Variants in PTPRS observed in about 807,000 individuals in gnomAD.
The protein encoded by PTPRS is receptor-type tyrosine-protein phosphatase S.
Under a neutral mutation model 215.3 loss-of-function variants are expected in PTPRS, and 63 were observed. That is an observed-to-expected ratio of 0.29 (90% confidence interval 0.24 to 0.36). The LOEUF is 0.36. Ranked by LOEUF, PTPRS falls within the 10% of genes least tolerant of loss-of-function variation. The pLI, the probability that PTPRS is intolerant of heterozygous loss-of-function variation, is 1.00. For synonymous variants in PTPRS, 1,404 were observed against 1,191.4 expected (o/e 1.18, Z -3.68); for missense variants, 2,258 against 2,825.8 (o/e 0.80, Z 4.56).
At chr19:5,328,665 C>G (rs1160142996) in intron 1 of PTPRS, among the ~76,000 whole-genome samples, 1 of 152,152 alleles carries the variant, frequency 6.6e-6, no homozygotes, top group Non-Finnish European at 1.5e-5. Context: ...GCAGAGTGAG[C>G]TGAGCTTTAA....
At chr19:5,273,158 C>T in intron 4 of PTPRS, 1 of 466,492 alleles carries the variant, frequency 2.1e-6, no homozygotes, top group South Asian at 2.4e-5. Context: ...TCGCTTGAAC[C>T]CATCTGAGTT....
intron 2 of PTPRS, among the ~76,000 whole-genome samples, chr19:5,279,218 T>C (rs909210865): frequency 2.0e-5 from 3 of 151,632 alleles, no homozygotes; most frequent in Admixed American, 1.3e-4. Context: ...AAGGGAAAGA[T>C]TGTATGTATG....
In PTPRS at chr19:5,212,091, C is replaced by A; in HGVS notation, c.4929G>T (p.Glu1643Asp). The A allele has an allele frequency of 1.9e-6, 3 of 1,614,074 alleles. No homozygotes were observed. Among genetic ancestry groups the A allele is most frequent in the Non-Finnish European group, 2.5e-6 (3 of 1,180,048 alleles). The stretch of plus-strand genomic sequence containing the variant: ...CACAGCCCACGGCCTCCAGCAGGGC[C>A]TCGTGGATGAAGCTGTACTGGTCCT... ...QTEDQYSFIH[E>D]ALLEAVGCGN... Residue 1643 changes from glutamate to aspartate, a missense_variant, in exon 32 of 38, where the codon GAG (glutamate) becomes GAT (aspartate). Physicochemically the swap from Glu to Asp is conservative, Grantham distance 45 (BLOSUM62 2). Transcript: ENST00000262963.
intron 16 of PTPRS, among the ~76,000 whole-genome samples, chr19:5,228,347 GAA>G (rs71170899): frequency 0.014 from 1,535 of 105,872 alleles, 20 homozygotes; most frequent in South Asian, 0.025. Context: ...TCCGTCTGGA[GAA>G]AAAAAAAAAA....
At chr19:5,235,081 C>CA (rs1049555356) in intron 13 of PTPRS, among the ~76,000 whole-genome samples, 5 of 152,062 alleles carry the variant, frequency 3.3e-5, no homozygotes, top group African/African-American at 9.6e-5. Context: ...GCTGGGACTA[C>CA]AGGCGCCCGC....
chr19:5,296,694 T>C (rs1392148321), intron 1 of PTPRS, among the ~76,000 whole-genome samples: 1 of 95,420 alleles, frequency 1.0e-5, no homozygotes, highest in Non-Finnish European at 2.0e-5. Flanking sequence ...TGGAGCAGAG[T>C]GAGGAAGGGG....
At chr19:5,233,876 G>A (rs1017626079) in intron 13 of PTPRS, among the ~76,000 whole-genome samples, 1 of 142,414 alleles carries the variant, frequency 7.0e-6, no homozygotes, top group Admixed American at 7.4e-5. Context: ...AACCTGGGAG[G>A]CGGAAGTTGC....
At chr19:5,247,734 G>T (rs2146029917) in intron 9 of PTPRS, among the ~76,000 whole-genome samples, 1 of 152,034 alleles carries the variant, frequency 6.6e-6, no homozygotes, top group South Asian at 2.1e-4. Flanking sequence ...AGGTTCAAGG[G>T]GATAAAGGGA....
intron 25 of PTPRS, among the ~76,000 whole-genome samples, chr19:5,217,402 G>A (rs2041576657): frequency 6.6e-6 from 1 of 152,086 alleles, no homozygotes; most frequent in Non-Finnish European, 1.5e-5. Flanking sequence ...ACAGAGGAAA[G>A]AAAGGGAAGA....
In PTPRS at chr19:5,273,331, C is replaced by CA. The variant is rs756526131; in HGVS notation, c.379+110dup. 47 of 1,529,004 alleles carry CA rather than the reference C, an allele frequency of 3.1e-5. No individual in the cohort carries two copies. In the South Asian group the frequency reaches 3.2e-4, roughly 10 times the overall value. 94.7% of individuals were successfully genotyped at this position (1,529,004 alleles called of 1,614,324 possible). On this transcript the variant is annotated intron_variant, in intron 4 of 37. Coordinates refer to ENST00000262963, the MANE Select transcript of PTPRS (RefSeq NM_002850.4). ...TGGATAAGGGAGATCAAGGTCCTCC[C>CA]AAAAAACACAAAGCAGGAGGGTTTG...
rs769004088 is a variant in PTPRS, at chr19:5,221,088, T to C, written c.3367A>G (p.Asn1123Asp). The C allele has an allele frequency of 2.5e-6, 4 of 1,613,820 alleles. No homozygotes were observed. In the African/African-American group the frequency reaches 5.3e-5, roughly 22 times the overall value. Residue 1123 changes from asparagine to aspartate, a missense_variant, in exon 20 of 38, where the codon AAC becomes GAC. Asn to Asp is a conservative substitution (Grantham distance 23). This residue lies in a region of PTPRS where 927 missense variants were observed against 1,125.9 expected (regional missense o/e 0.82). Transcript: ENST00000262963. ...VTAWTAFNLL[N>D]GKPSVAPKPD... is the part of the protein sequence containing the mutation. ...TTGGGGGCGACGCTGGGCTTGCCGT[T>C]GAGCAGGTTGAAGGCAGTCCAGGCG...
At chr19:5,238,822 C>T in intron 13 of PTPRS, 97 bp downstream of exon 13, 4 of 1,431,232 alleles carry the variant, frequency 2.8e-6, no homozygotes, top group Non-Finnish European at 3.6e-6. Flanking sequence ...CCCCCACCCA[C>T]TGCAGCAGGC....
Position 5,210,674 on chromosome 19 carries a change from C to G in PTPRS, c.5361+5G>C. The G allele has an allele frequency of 6.2e-7, 1 of 1,614,152 alleles. No homozygotes were observed. The highest frequency in any genetic ancestry group is 8.5e-7 in the Non-Finnish European group (1 of 1,180,036). On this transcript the variant is annotated splice_donor_5th_base_variant and intron_variant, in intron 34 of 37. Transcript: ENST00000262963. The surrounding 1 kb of genome is among the most constrained non-coding windows in gnomAD (Gnocchi z 4.5). ...CGCCCTTCCCTGCTGTGGCCCCTAG[C>G]TCACCCGGCCCATCTCCCGCAGCTT...
intron 1 of PTPRS, among the ~76,000 whole-genome samples, chr19:5,326,854 G>A (rs1173573964): frequency 6.6e-6 from 1 of 152,026 alleles, no homozygotes. Context: ...GAAAAAGGAA[G>A]GAAGGAAGGA....
intron 13 of PTPRS, among the ~76,000 whole-genome samples, chr19:5,233,912 C>T (rs2043211182): frequency 8.3e-6 from 1 of 120,980 alleles, no homozygotes; most frequent in Admixed American, 1.1e-4. Flanking sequence ...TGCCACTGTA[C>T]TCCAGCCTGG....
At chr19:5,209,967 G>C (rs1254615285) in intron 35 of PTPRS, among the ~76,000 whole-genome samples, 3 of 152,100 alleles carry the variant, frequency 2.0e-5, no homozygotes, top group Non-Finnish European at 2.9e-5. Flanking sequence ...ACCCAACAGG[G>C]CCACCTTCCA....
intron 14 of PTPRS, among the ~76,000 whole-genome samples, 156 bp downstream of exon 14, chr19:5,231,154 A>T (rs867250215): frequency 3.9e-5 from 6 of 152,100 alleles, no homozygotes; most frequent in Middle Eastern, 3.4e-3. Context: ...AAAGTCAAGG[A>T]GCCCCGGATT....
At chr19:5,239,472 CAGAGAG>C (rs373965252) in intron 12 of PTPRS, among the ~76,000 whole-genome samples, 3 of 150,174 alleles carry the variant, frequency 2.0e-5, no homozygotes, top group Non-Finnish European at 4.4e-5. Context: ...GAGACAGAGA[CAGAGAG>C]AGATACAGAG....
At chr19:5,337,474 G>A (rs546850191) in intron 1 of PTPRS, among the ~76,000 whole-genome samples, 1 of 152,284 alleles carries the variant, frequency 6.6e-6, no homozygotes, top group African/African-American at 2.4e-5. Flanking sequence ...AATAATCAGC[G>A]AAGCCACAGG....
Sources: gnomAD v4.1 joint callset for allele counts (sites outside exome capture counted in the v4.1 genomes callset) on GRCh38, gnomAD v4.1.1 for gene constraint, gnomAD v4.1.1 regional missense constraint, Gnocchi (gnomAD v3.1) non-coding constraint, MANE v1.5 for transcripts, NCBI Gene and HGNC (gene_info 2026-07-23, HGNC 2026-07-21) for gene names.